The following CLCN1 variants were observed in gnomAD, a reference collection of about 807,000 sequenced individuals.
CLCN1 encodes chloride voltage-gated channel 1.
CLCN1 carries 100 observed loss-of-function variants against 114.5 expected under a neutral mutation model. That is an observed-to-expected ratio of 0.87 (90% CI 0.74 to 1.03). The LOEUF (loss-of-function observed/expected upper bound fraction) is 1.03, where lower values mean the gene tolerates loss of function less well. Among genes scored for constraint, CLCN1 ranks in the 50% least tolerant of loss-of-function variants. The pLI is 0.00. For missense variants in CLCN1, 1,188 were observed against 1,250.0 expected, an observed-to-expected ratio of 0.95 and a Z score of 0.75; for synonymous variants, 485 against 487.1, an observed-to-expected ratio of 1.00 and a Z score of 0.06.
rs763850295 is a variant in CLCN1 at position 143,342,407 on chromosome 7, G to A, written c.1832G>A (p.Arg611His). The A allele has an allele frequency of 3.5e-5, 56 of 1,613,880 alleles. No individual in the cohort carries two copies. The highest frequency in any genetic ancestry group is 6.7e-5 in the Admixed American group (4 of 60,000). ...YTIFVEDIMV[R>H]DVKFVSASYT... ...ATCTTTGTTGAGGACATCATGGTAC[G>A]TGATGTGAAGTTTGTTTCAGCTTCT... Residue 611 changes from arginine to histidine, a missense_variant, in exon 16 of 23, where the codon CGT (arginine) becomes CAT (histidine). Physicochemically the swap from Arg to His is conservative, Grantham distance 29. Transcript: ENST00000343257.
Position 143,320,553 on chromosome 7 carries a change from TTCTC to T in CLCN1, c.302-81_302-78del, listed in dbSNP as rs59572880. 29,007 of 661,160 alleles carry T rather than the reference TTCTC, an allele frequency of 0.044. 170 individuals are homozygous for T. Among genetic ancestry groups the T allele is most frequent in the African/African-American group, 0.049 (2,486 of 51,078 alleles). The allele number at this position is 661,160 out of a possible 1,614,324, so 41.0% of individuals were successfully genotyped here. On this transcript the variant is annotated intron_variant, in intron 2 of 22. Coordinates refer to ENST00000343257, the MANE Select transcript of CLCN1 (RefSeq NM_000083.3). The stretch of plus-strand genomic sequence containing the variant: ...TAAAGTAGTGACTCGTTAGCTGCTT[TTCTC>T]TCTCTCTCTCTCTCTCTCTCTCTCT...
In CLCN1 at chr7:143,351,825, G is replaced by GC. The variant is rs755176513; in HGVS notation, c.2831dup (p.Gly945ArgfsTer39). On this transcript the variant is annotated frameshift_variant, in exon 23 of 23. Transcript: ENST00000343257. LOFTEE classifies it high-confidence loss of function. The stretch of plus-strand genomic sequence containing the variant: ...TTCCCCAGAGCCCCCTCTCTCCCTG[G>GC]CCCCAGGCAAGGTAGAGGGCGAGTT... The GC allele has an allele frequency of 2.5e-5, 40 of 1,613,972 alleles. No individual in the cohort carries two copies. Among genetic ancestry groups the GC allele is most frequent in the Non-Finnish European group, 3.2e-5 (38 of 1,179,888 alleles).
At chr7:143,333,581 C>A (rs1802788421) in intron 12 of CLCN1, among the ~76,000 whole-genome samples, 1 of 152,134 alleles carries the variant, frequency 6.6e-6, no homozygotes, top group African/African-American at 2.4e-5. Flanking sequence ...TCTGATGATC[C>A]ATTTTTTAGG....
At chr7:143,319,193 T>A (rs1043043711) in intron 1 of CLCN1, among the ~76,000 whole-genome samples, 2 of 152,190 alleles carry the variant, frequency 1.3e-5, no homozygotes, top group Non-Finnish European at 2.9e-5. Context: ...CTAGTTCTTG[T>A]GTGTGCATAC....
In CLCN1 at chr7:143,351,706, C is replaced by T. The variant is rs759150641; in HGVS notation, c.2708C>T (p.Ser903Phe). The T allele has an allele frequency of 3.7e-6, 6 of 1,614,232 alleles. No homozygotes were observed. The highest frequency in any genetic ancestry group is 5.1e-6 in the Non-Finnish European group (6 of 1,180,042). ...TRKSTGAPPS[S>F]AENWNLPEDR... ...AAGAGTACCGGGGCACCTCCATCTT[C>T]TGCAGAGAACTGGAACCTGCCTGAG... The change falls in exon 23 of 23, where the codon TCT becomes TTT. Residue 903 changes from serine (S) to phenylalanine (F), a missense_variant. Physicochemically the swap from Ser to Phe is radical, Grantham distance 155. Coordinates refer to ENST00000343257, the MANE Select transcript of CLCN1 (RefSeq NM_000083.3).
intron 12 of CLCN1, among the ~76,000 whole-genome samples, 176 bp downstream of exon 12, chr7:143,333,049 A>C (rs1802772863): frequency 6.6e-6 from 1 of 152,172 alleles, no homozygotes; most frequent in Non-Finnish European, 1.5e-5. Flanking sequence ...CTGTAATCCC[A>C]CCACTTTGGC....
intron 12 of CLCN1, among the ~76,000 whole-genome samples, chr7:143,335,123 G>C (rs1487336500): frequency 1.3e-5 from 2 of 152,140 alleles, no homozygotes; most frequent in African/African-American, 4.8e-5. Flanking sequence ...GAAAAGTCCT[G>C]TAGAAACGAA....
rs569567347 is a variant in CLCN1 at position 143,317,329 on chromosome 7, A to C, written c.180+937A>C. On this transcript the variant is annotated intron_variant, in intron 1 of 22. Coordinates refer to ENST00000343257, the MANE Select transcript of CLCN1 (RefSeq NM_000083.3). The stretch of plus-strand genomic sequence containing the variant: ...AGTGGTGCTATCTTGGCTCACTGCG[A>C]CCTCCGCCTCCCGGGTTCAAGCAAT... Among the ~76,000 whole-genome samples, 5 of 142,500 alleles carry C rather than the reference A, an allele frequency of 3.5e-5. No individual in the cohort carries two copies. In the East Asian group the frequency reaches 1.0e-3, roughly 29 times the overall value. 93.5% of individuals were successfully genotyped at this position (142,500 alleles called of 152,430 possible). A position where few individuals can be genotyped will look rare whatever the true frequency, so the allele number is the denominator to read the frequency against.
chr7:143,351,722 C>A lies in CLCN1; in HGVS notation c.2724C>A (p.Asn908Lys), dbSNP rs139117651. Residue 908 changes from asparagine (N) to lysine (K), a missense_variant, in exon 23 of 23, where the codon AAC (asparagine) becomes AAA (lysine). Coordinates refer to ENST00000343257, the MANE Select transcript of CLCN1 (RefSeq NM_000083.3). ...CTCCATCTTCTGCAGAGAACTGGAA[C>A]CTGCCTGAGGACAGGCCTGGGGCCA... Reference protein sequence around the residue: ...GAPPSSAENWNLPEDRPGATG... With the variant: ...GAPPSSAENWKLPEDRPGATG... 1.2e-6 allele frequency: 2 copies of A among 1,614,192 alleles called. No individual in the cohort carries two copies. The highest frequency in any genetic ancestry group is 1.1e-5 in the South Asian group (1 of 91,086).
At chr7:143,323,679 C>G (rs1372612601) in intron 6 of CLCN1, 2 of 587,940 alleles carry the variant, frequency 3.4e-6, no homozygotes, top group Non-Finnish European at 6.6e-6. Context: ...ATACCACCCC[C>G]TCTGTGTTAG....
rs772779414 is a variant in CLCN1, at chr7:143,345,623, C to T, written c.2033C>T (p.Ala678Val). 9.6e-6 allele frequency: 15 copies of T among 1,560,538 alleles called. No individual in the cohort carries two copies. Among genetic ancestry groups the T allele is most frequent in the Non-Finnish European group, 1.3e-5 (15 of 1,152,810 alleles). ...ERRLRAAQEM[A>V]RKLSELPYDG... is the part of the protein sequence containing the mutation. ...AGGCTGCGCGCAGCCCAAGAGATGGCGCGGAAGTTGTCGGAGCTGCCTTAC... is the reference window on the plus strand; with the variant it reads ...AGGCTGCGCGCAGCCCAAGAGATGGTGCGGAAGTTGTCGGAGCTGCCTTAC... Residue 678 changes from alanine to valine, a missense_variant, in exon 17 of 23, where the codon GCG (alanine) becomes GTG (valine). Ala to Val is a moderately conservative substitution (Grantham distance 64). Coordinates refer to ENST00000343257, the MANE Select transcript of CLCN1 (RefSeq NM_000083.3).
rs1803371378 is a variant in CLCN1 at position 143,350,667 on chromosome 7, T to C, written c.2595+13T>C. The C allele has an allele frequency of 2.5e-6, 4 of 1,606,570 alleles. No homozygotes were observed. Among genetic ancestry groups the C allele is most frequent in the Non-Finnish European group, 3.4e-6 (4 of 1,173,306 alleles). Reference sequence around the variant, plus strand: ...GGCCCTGGAGGAGGTAATCACGATGTGTCCCATTTGAGCAGCAGGAGGGAG... The same window carrying C: ...GGCCCTGGAGGAGGTAATCACGATGCGTCCCATTTGAGCAGCAGGAGGGAG... On this transcript the variant is annotated intron_variant, in intron 22 of 22. Coordinates refer to ENST00000343257, the MANE Select transcript of CLCN1 (RefSeq NM_000083.3). The surrounding 1 kb of genome is among the most constrained non-coding windows in gnomAD (Gnocchi z 5.1).
At chr7:143,320,597 A>G (rs1802401003) in intron 2 of CLCN1, 67 bp from the exon 3 acceptor site, 1 of 1,273,224 alleles carries the variant, frequency 7.9e-7, no homozygotes, top group East Asian at 2.4e-5. Flanking sequence ...GTCTCTACAT[A>G]TATATATTTT....
rs375292685 is a variant in CLCN1, at chr7:143,332,752, T to C, written c.1280T>C (p.Leu427Ser). ...ATGCCCCGCGAAGCCATCAGTACTT[T>C]GTTTGACAACAATACATGGGTGAAA... ...ELMPREAIST[L>S]FDNNTWVKHA... The change falls in exon 12 of 23, where the codon TTG (leucine) becomes TCG (serine). Residue 427 changes from leucine (L) to serine (S), a missense_variant. Coordinates refer to ENST00000343257, the MANE Select transcript of CLCN1 (RefSeq NM_000083.3). 1 of 1,614,072 alleles carries C rather than the reference T, an allele frequency of 6.2e-7. No individual in the cohort carries two copies. Among genetic ancestry groups the C allele is most frequent in the Non-Finnish European group, 8.5e-7 (1 of 1,180,034 alleles).
chr7:143,335,683 G>GTTTTTTA (rs1802863588), intron 12 of CLCN1, among the ~76,000 whole-genome samples: 1 of 103,752 alleles, frequency 9.6e-6, no homozygotes, highest in Non-Finnish European at 1.9e-5. Context: ...TTTTTGATTC[G>GTTTTTTA]GAATCTCACT....
chr7:143,316,222 T>C lies in CLCN1; in HGVS notation c.10T>C (p.Ser4Pro). Reference protein sequence around the residue: MEQSRSQQRGGEQS... With the variant: MEQPRSQQRGGEQS... ...CTCGGGGGGAGGGAATATGGAGCAA[T>C]CCCGGTCACAGCAGCGTGGGGGTGA... is the stretch of plus-strand genomic sequence containing the variant. Residue 4 changes from serine (S) to proline (P), a missense_variant, in exon 1 of 23, where the codon TCC (serine) becomes CCC (proline). Physicochemically the swap from Ser to Pro is moderately conservative, Grantham distance 74 (BLOSUM62 -1). Coordinates refer to ENST00000343257, the MANE Select transcript of CLCN1 (RefSeq NM_000083.3). 3 of 1,612,834 alleles carry C rather than the reference T, an allele frequency of 1.9e-6. No individual in the cohort carries two copies. The highest frequency in any genetic ancestry group is 2.5e-6 in the Non-Finnish European group (3 of 1,179,450).
intron 1 of CLCN1, among the ~76,000 whole-genome samples, chr7:143,317,244 C>CTTTT (rs1207676166): frequency 1.6e-4 from 18 of 113,778 alleles, no homozygotes; most frequent in South Asian, 3.0e-4. Context: ...TTGGCCAGAA[C>CTTTT]TTTTTTTTTT....
chr7:143,342,334 A>T (rs746629144), intron 15 of CLCN1, 38 bp from the exon 16 acceptor site: 2 of 1,612,950 alleles, frequency 1.2e-6, no homozygotes, highest in African/African-American at 2.7e-5. Flanking sequence ...GGATAGGTAT[A>T]CGGTGGGGCT....
At chr7:143,325,060 A>C (rs1256528712) in intron 7 of CLCN1, among the ~76,000 whole-genome samples, 1 of 152,250 alleles carries the variant, frequency 6.6e-6, no homozygotes, top group Non-Finnish European at 1.5e-5. Context: ...TCTTTCTCCA[A>C]GTATAAGGCA....
Sources: allele counts gnomAD v4.1 joint callset (sites outside exome capture counted in the v4.1 genomes callset), GRCh38; gene constraint gnomAD v4.1.1; non-coding constraint Gnocchi (gnomAD v3.1); transcripts MANE v1.5; gene names NCBI Gene and HGNC (gene_info 2026-07-23, HGNC 2026-07-21).